Variants in ECHS1 observed in about 807,000 individuals in gnomAD.
ECHS1 encodes the protein enoyl-CoA hydratase, short chain 1.
Under a neutral mutation model 33.5 loss-of-function variants are expected in ECHS1, and 19 were observed. That is an observed-to-expected ratio of 0.57 (90% CI 0.40 to 0.83). ECHS1 has a LOEUF of 0.83. ECHS1 is among the 40% of genes least tolerant of loss of function. The pLI, the probability that ECHS1 is intolerant of heterozygous loss-of-function variation, is 0.00. For missense variants in ECHS1, 365 were observed against 381.3 expected (o/e 0.96, Z 0.36); for synonymous variants, 158 against 146.6 (o/e 1.08, Z -0.56).
rs1849043377 is a variant in ECHS1 at position 133,366,984 on chromosome 10, C to T, written c.524G>A (p.Gly175Asp). 6.2e-7 allele frequency: 1 copy of T among 1,610,880 alleles called. No individual in the cohort carries two copies. Among genetic ancestry groups the T allele is most frequent in the Non-Finnish European group, 8.5e-7 (1 of 1,179,532 alleles). The change falls in exon 5 of 8, where the codon GGC becomes GAC. Residue 175 changes from glycine (G) to aspartate (D), a missense_variant. Coordinates refer to ENST00000368547, the MANE Select transcript of ECHS1 (RefSeq NM_004092.4). ...ILIGTIPGAG[G>D]TQRLTRAVGK... Reference sequence around the variant, plus strand: ...AACAGCACGGGTGAGTCTCTGGGTGCCGCCCGCACCTGCAGGGAGGGGCTG... The same window carrying T: ...AACAGCACGGGTGAGTCTCTGGGTGTCGCCCGCACCTGCAGGGAGGGGCTG...
chr10:133,370,501 A>G (rs1463012944), intron 2 of ECHS1, 59 bp downstream of exon 2: 1 of 1,438,220 alleles, frequency 7.0e-7, no homozygotes, highest in Admixed American at 2.8e-5. Context: ...GGCTTCTCCC[A>G]AGGCCATACG....
chr10:133,373,121 G>T, intron 1 of ECHS1, 125 bp downstream of exon 1: 1 of 699,112 alleles, frequency 1.4e-6, no homozygotes, highest in Non-Finnish European at 2.1e-6. Context: ...GAAGAGGGGT[G>T]TGGGTTGGGG....
chr10:133,370,069 G>A (rs745933873), intron 2 of ECHS1, 38 bp from the exon 3 acceptor site: 8 of 1,611,620 alleles, frequency 5.0e-6, no homozygotes, highest in Non-Finnish European at 5.9e-6. Context: ...TTACCAGAGA[G>A]CAGAGAGCCC....
At chr10:133,372,910 C>T (rs1271159289) in intron 1 of ECHS1, among the ~76,000 whole-genome samples, 7 of 80,182 alleles carry the variant, frequency 8.7e-5, no homozygotes, top group Non-Finnish European at 1.4e-4. Flanking sequence ...GATGCGGGAT[C>T]GGACGGAAGA....
intron 7 of ECHS1, among the ~76,000 whole-genome samples, chr10:133,363,315 C>T (rs983428396): frequency 3.9e-5 from 6 of 152,070 alleles, no homozygotes; most frequent in Non-Finnish European, 7.3e-5. Context: ...ATCTGCTTTT[C>T]TTACACTGTG....
At chr10:133,365,114 A>G (rs1849012090) in intron 6 of ECHS1, among the ~76,000 whole-genome samples, 1 of 152,244 alleles carries the variant, frequency 6.6e-6, no homozygotes, top group African/African-American at 2.4e-5. Flanking sequence ...CGCGGCCGGC[A>G]CCAAGAACGC....
At chr10:133,370,467 C>T in intron 2 of ECHS1, 93 bp downstream of exon 2, 1 of 1,308,368 alleles carries the variant, frequency 7.6e-7, no homozygotes, top group Non-Finnish European at 1.0e-6. Context: ...CCTCTGCCAT[C>T]ACAGAGGCGC....
intron 1 of ECHS1, among the ~76,000 whole-genome samples, chr10:133,372,874 A>G: frequency 2.0e-5 from 2 of 98,700 alleles, no homozygotes; most frequent in Non-Finnish European, 4.0e-5. Flanking sequence ...GGGGTCAGGC[A>G]GGAGAGTGCG....
Position 133,367,605 on chromosome 10 carries a change from A to ACT in ECHS1, c.515-614_515-613dup, listed in dbSNP as rs557660522. Among the ~76,000 whole-genome samples, 577 of 151,824 alleles carry ACT rather than the reference A, an allele frequency of 3.8e-3. 6 individuals carry two copies. The highest frequency in any genetic ancestry group is 0.013 in the African/African-American group (550 of 41,364). ...CCTTTCCTTGGAGGAGTCAGGGAAC[A>ACT]CTGCTCCACCAGCTTCTTGTGAGAG... On this transcript the variant is annotated intron_variant, in intron 4 of 7. Coordinates refer to ENST00000368547, the MANE Select transcript of ECHS1 (RefSeq NM_004092.4).
chr10:133,370,793 AC>A, intron 1 of ECHS1, 36 bp from the exon 2 acceptor site: 2 of 1,584,330 alleles, frequency 1.3e-6, no homozygotes. Context: ...ATCTATTCAC[AC>A]AGGTATCAAA....
chr10:133,372,793 G>C (rs533694507), intron 1 of ECHS1, among the ~76,000 whole-genome samples: 1 of 126,366 alleles, frequency 7.9e-6, no homozygotes, highest in Non-Finnish European at 1.7e-5. Context: ...GGGGGGTGCA[G>C]CACTAGGCGA....
intron 4 of ECHS1, among the ~76,000 whole-genome samples, 184 bp from the exon 5 acceptor site, chr10:133,367,177 C>G (rs1427463681): frequency 6.6e-6 from 1 of 152,200 alleles, no homozygotes. Flanking sequence ...CAAGCTCAGG[C>G]CCCACATCTG....
At chr10:133,373,213 G>T in intron 1 of ECHS1, 33 bp downstream of exon 1, 2 of 1,402,912 alleles carry the variant, frequency 1.4e-6, no homozygotes, top group Non-Finnish European at 1.8e-6. Flanking sequence ...GTCAGGAGGA[G>T]ATTCGGGCCG....
intron 4 of ECHS1, among the ~76,000 whole-genome samples, chr10:133,368,146 G>T (rs1163849960): frequency 6.6e-6 from 1 of 152,144 alleles, no homozygotes; most frequent in Non-Finnish European, 1.5e-5. Flanking sequence ...CGTAGGGCTG[G>T]ACACTACACT....
intron 7 of ECHS1, 123 bp from the exon 8 acceptor site, chr10:133,363,056 G>C: frequency 8.8e-7 from 1 of 1,134,728 alleles, no homozygotes; most frequent in Non-Finnish European, 1.3e-6. Context: ...CAGGGGGCCG[G>C]GGAGGGGACT....
At position 133,369,086 on chromosome 10, in the gene ECHS1, GCTTA is replaced by G. The variant is rs1052562685; in HGVS notation, c.415-68_415-65del. ...AACCCAGTCAGAAATCACTCTGCTTGCTTATTCAAATTTTCCATTTAAAAGAAAC... is the reference window on the plus strand; with the variant it reads ...AACCCAGTCAGAAATCACTCTGCTTGTTCAAATTTTCCATTTAAAAGAAAC... On this transcript the variant is annotated intron_variant, in intron 3 of 7. Coordinates refer to ENST00000368547, the MANE Select transcript of ECHS1 (RefSeq NM_004092.4). The G allele has an allele frequency of 5.3e-6, 8 of 1,495,394 alleles. No homozygotes were observed. In the African/African-American group the frequency reaches 1.1e-4, roughly 21 times the overall value. 92.6% of individuals were successfully genotyped at this position (1,495,394 alleles called of 1,614,324 possible).
intron 1 of ECHS1, 37 bp from the exon 2 acceptor site, chr10:133,370,794 C>T: frequency 6.3e-7 from 1 of 1,584,314 alleles, no homozygotes; most frequent in Non-Finnish European, 8.6e-7. Context: ...TCTATTCACA[C>T]AGGTATCAAA....
intron 4 of ECHS1, among the ~76,000 whole-genome samples, chr10:133,368,018 C>T (rs1026650703): frequency 3.9e-5 from 6 of 152,230 alleles, no homozygotes; most frequent in East Asian, 1.9e-4. Context: ...TACCGGTCTC[C>T]GCCTCTTGAT....
chr10:133,373,102 G>A, intron 1 of ECHS1, 144 bp downstream of exon 1: 1 of 575,746 alleles, frequency 1.7e-6, no homozygotes, highest in Non-Finnish European at 2.7e-6. Flanking sequence ...GAGGGTGCGG[G>A]GTCAGGCGGA....
Sources: allele counts gnomAD v4.1 joint callset (sites outside exome capture counted in the v4.1 genomes callset), GRCh38; gene constraint gnomAD v4.1.1; transcripts MANE v1.5; gene names NCBI Gene and HGNC (gene_info 2026-07-23, HGNC 2026-07-21).